LRRC45: variants seen among roughly 807,000 people sequenced by gnomAD.
LRRC45 encodes the protein leucine rich repeat containing 45, also known as leucine-rich repeat-containing protein 45.
LRRC45 carries 73 observed loss-of-function variants against 85.4 expected under a neutral mutation model. The ratio of observed to expected loss-of-function variants is 0.85; its 90% CI spans 0.71 to 1.04. LRRC45 has a LOEUF of 1.04. Among genes scored for constraint, LRRC45 ranks in the 50% least tolerant of loss-of-function variants. The probability of loss-of-function intolerance (pLI) is 0.00; values close to 1 mark genes in which losing one functional copy is unlikely to be tolerated. For missense variants in LRRC45, 937 were observed against 883.3 expected (o/e 1.06, Z -0.77); for synonymous variants, 429 against 386.0 (o/e 1.11, Z -1.31).
At chr17:82,028,560 A>T (rs1319303553) in intron 11 of LRRC45, 52 bp downstream of exon 11, 2 of 1,610,590 alleles carry the variant, frequency 1.2e-6, no homozygotes, top group South Asian at 1.1e-5. Flanking sequence ...GCACCGGGGG[A>T]CGGGGGCCCC....
rs550616399 is a variant in LRRC45, at chr17:82,026,564, T to TTGTGTGTGTGTGTGTG, written c.662-314_662-299dup. Among the ~76,000 whole-genome samples the TTGTGTGTGTGTGTGTG allele has an allele frequency of 4.3e-3, 593 of 137,546 alleles. 8 individuals carry two copies. Among genetic ancestry groups the TTGTGTGTGTGTGTGTG allele is most frequent in the East Asian group, 5.8e-3 (27 of 4,616 alleles). The allele number at this position is 137,546 out of a possible 152,430, so 90.2% of individuals were successfully genotyped here. A position where few individuals can be genotyped will look rare whatever the true frequency, so the allele number is the denominator to read the frequency against. On this transcript the variant is annotated intron_variant, in intron 5 of 16. Coordinates refer to ENST00000306688, the MANE Select transcript of LRRC45 (RefSeq NM_144999.4). ...GCAGCCCCGGGGTGACACAGCTCCT[T>TTGTGTGTGTGTGTGTG]TGTGTGTGTGTGTGTGTGTGTGTGT... is the stretch of plus-strand genomic sequence containing the variant.
chr17:82,029,236 A>G, intron 13 of LRRC45, 51 bp downstream of exon 13: 1 of 1,555,024 alleles, frequency 6.4e-7, no homozygotes, highest in South Asian at 1.2e-5. Flanking sequence ...TGGGCTGAAC[A>G]AGGCAGGGGC....
chr17:82,024,477 T>G (rs1020515248), intron 2 of LRRC45, 138 bp downstream of exon 2: 3 of 1,065,240 alleles, frequency 2.8e-6, no homozygotes, highest in African/African-American at 3.2e-5. Context: ...CGCTCTCTGA[T>G]GGCCTCCTGT....
At position 82,030,098 on chromosome 17, in the gene LRRC45, A is replaced by T. The variant is rs2043404242; in HGVS notation, c.1528A>T (p.Arg510Ter). The change falls in exon 15 of 17, where the codon AGA becomes TGA. Residue 510 changes from arginine to a stop codon, truncating the protein, a stop_gained. Coordinates refer to ENST00000306688, the MANE Select transcript of LRRC45 (RefSeq NM_144999.4). LOFTEE classifies it high-confidence loss of function. Reference protein sequence around the residue: ...QRLAHLEDKLRLLAQARDEAQ... With the variant: ...QRLAHLEDKL ...CCTGGCTCACCTGGAGGACAAGCTG[A>T]GACTGCTGGCGCAGGCACGGGACGA... 1 of 1,546,784 alleles carries T rather than the reference A, an allele frequency of 6.5e-7. No homozygotes were observed. Among genetic ancestry groups the T allele is most frequent in the African/African-American group, 1.4e-5 (1 of 73,072 alleles).
At chr17:82,025,350 C>T in intron 4 of LRRC45, 29 bp from the exon 5 acceptor site, 1 of 1,550,370 alleles carries the variant, frequency 6.5e-7, no homozygotes, top group Non-Finnish European at 8.7e-7. Context: ...CAGGTGCATT[C>T]TGTCTGGTGA....
Position 82,027,893 on chromosome 17 carries a change from G to A in LRRC45, c.912-118G>A, listed in dbSNP as rs577266894. On this transcript the variant is annotated intron_variant, in intron 8 of 16. Transcript: ENST00000306688. ...GGGCAGTAACCCAGAAGCCTTCCTG[G>A]AGGAGGCGGGTGCTGGCTGGGGTTG... The A allele has an allele frequency of 1.1e-4, 166 of 1,510,320 alleles. No homozygotes were observed. The African/African-American group carries it at 2.1e-3, about 19-fold the overall frequency. 93.6% of individuals were successfully genotyped at this position (1,510,320 alleles called of 1,614,324 possible). A position where few individuals can be genotyped will look rare whatever the true frequency, so the allele number is the denominator to read the frequency against.
chr17:82,027,223 C>T (rs192704529), intron 6 of LRRC45, among the ~76,000 whole-genome samples, 163 bp from the exon 7 acceptor site: 1 of 152,320 alleles, frequency 6.6e-6, no homozygotes, highest in East Asian at 1.9e-4. Context: ...CCTGAGGCCT[C>T]GCTCTGCAGG....
At position 82,028,648 on chromosome 17, in the gene LRRC45, A is replaced by C; in HGVS notation, c.1273A>C (p.Ser425Arg). The change falls in exon 12 of 17, where the codon AGC becomes CGC. Residue 425 changes from serine (S) to arginine (R), a missense_variant. Transcript: ENST00000306688. ...CATGGAGAAGAGAAGATGCAGACAG[A>C]GCCTGGAGGACTCCGAAAGCCTGCG... is the stretch of plus-strand genomic sequence containing the variant. Reference protein sequence around the residue: ...LDMEKRRCRQSLEDSESLRIK... With the variant: ...LDMEKRRCRQRLEDSESLRIK... 6.2e-7 allele frequency: 1 copy of C among 1,612,956 alleles called. No homozygotes were observed.
At position 82,030,574 on chromosome 17, in the gene LRRC45, G is replaced by A; in HGVS notation, c.1817-35G>A. 12 of 1,465,194 alleles carry A rather than the reference G, an allele frequency of 8.2e-6. 1 individual carries two copies. Among genetic ancestry groups the A allele is most frequent in the South Asian group, 2.6e-5 (2 of 75,644 alleles). The allele number at this position is 1,465,194 out of a possible 1,614,324, so 90.8% of individuals were successfully genotyped here. A position where few individuals can be genotyped will look rare whatever the true frequency, so the allele number is the denominator to read the frequency against. The stretch of plus-strand genomic sequence containing the variant: ...CTGAGGCCGTGCCACGGTGCGCTGG[G>A]GCTGCGTCCGCTCACTGCGCTCCTT... On this transcript the variant is annotated intron_variant, in intron 16 of 16. Coordinates refer to ENST00000306688, the MANE Select transcript of LRRC45 (RefSeq NM_144999.4).
chr17:82,027,987 G>A (rs2043383560), intron 8 of LRRC45, 24 bp from the exon 9 acceptor site: 4 of 1,581,158 alleles, frequency 2.5e-6, no homozygotes, highest in Admixed American at 1.8e-5. Context: ...ACCGGGGCGG[G>A]GGTGCTGCCC....
At chr17:82,027,063 G>T in intron 6 of LRRC45, 52 bp downstream of exon 6, 1 of 1,434,490 alleles carries the variant, frequency 7.0e-7, no homozygotes, top group Non-Finnish European at 9.5e-7. Flanking sequence ...TGGAGGGCCT[G>T]GCCACGTCCT....
chr17:82,026,599 T>TGTGTGTGTGTGTGA (rs1416301920), intron 5 of LRRC45, among the ~76,000 whole-genome samples: 33 of 151,096 alleles, frequency 2.2e-4, no homozygotes, highest in African/African-American at 7.6e-4. Flanking sequence ...TGTGTGTGTG[T>TGTGTGTGTGTGTGA]GACTGAGTTT....
intron 16 of LRRC45, 48 bp downstream of exon 16, chr17:82,030,514 C>G: frequency 6.6e-7 from 1 of 1,525,570 alleles, no homozygotes. Context: ...GGACGTGAGG[C>G]CAGCCAGAGA....
intron 5 of LRRC45, among the ~76,000 whole-genome samples, chr17:82,026,109 G>C (rs1002972740): frequency 6.6e-6 from 1 of 152,170 alleles, no homozygotes; most frequent in African/African-American, 2.4e-5. Flanking sequence ...TGCTGGTTCT[G>C]CCTGGCCTCT....
chr17:82,026,997 G>T lies in LRRC45; in HGVS notation c.760G>T (p.Glu254Ter). Residue 254 changes from glutamate to a stop codon, truncating the protein, a stop_gained, in exon 6 of 17, where the codon GAG becomes TAG. Transcript: ENST00000306688. LOFTEE classifies it high-confidence loss of function. Reference sequence around the variant, plus strand: ...CAAGGAGGTCCAGCACCTCCGGGAGGAGAAGTCCAAGCAGGTGAGGATGGC... The same window carrying T: ...CAAGGAGGTCCAGCACCTCCGGGAGTAGAAGTCCAAGCAGGTGAGGATGGC... ...LSKEVQHLRE[E>*]KSKQFLDLME... is the part of the protein sequence containing the mutation. The T allele has an allele frequency of 6.2e-7, 1 of 1,600,694 alleles. No homozygotes were observed. Among genetic ancestry groups the T allele is most frequent in the South Asian group, 1.1e-5 (1 of 89,240 alleles).
At chr17:82,030,573 G>C in intron 16 of LRRC45, 36 bp from the exon 17 acceptor site, 3 of 1,465,462 alleles carry the variant, frequency 2.0e-6, no homozygotes, top group Non-Finnish European at 2.7e-6. Context: ...CGGTGCGCTG[G>C]GGCTGCGTCC....
rs1484694328 is a variant in LRRC45 at position 82,030,247 on chromosome 17, G to A, written c.1668+9G>A. ...TGGAAGAGCTGCAGCAGGTAGGCGG[G>A]GCTCCGGTGGGGGGCCCCGGGCGTG... On this transcript the variant is annotated intron_variant, in intron 15 of 16. Coordinates refer to ENST00000306688, the MANE Select transcript of LRRC45 (RefSeq NM_144999.4). 9 of 1,533,700 alleles carry A rather than the reference G, an allele frequency of 5.9e-6. No homozygotes were observed. The highest frequency in any genetic ancestry group is 1.4e-5 in the African/African-American group (1 of 72,568).
intron 5 of LRRC45, among the ~76,000 whole-genome samples, chr17:82,026,622 C>G (rs1450394678): frequency 1.3e-5 from 2 of 150,822 alleles, no homozygotes; most frequent in Non-Finnish European, 3.0e-5. Context: ...CTCAGTCACC[C>G]AGGCTGGAGT....
rs1380869533 is a variant in LRRC45, at chr17:82,024,377, C to T, written c.282+38C>T. The stretch of plus-strand genomic sequence containing the variant: ...CACTCTTGAGTGTCCGAGTGTGCCA[C>T]CCAAGGGCAAGAGGAGAGGTGGAAG... On this transcript the variant is annotated intron_variant, in intron 2 of 16. Transcript: ENST00000306688. 7 of 1,609,364 alleles carry T rather than the reference C, an allele frequency of 4.3e-6. No individual in the cohort carries two copies. The Admixed American group carries it at 8.3e-5, about 19-fold the overall frequency.
Sources: allele counts gnomAD v4.1 joint callset (sites outside exome capture counted in the v4.1 genomes callset), GRCh38; gene constraint gnomAD v4.1.1; transcripts MANE v1.5; gene names NCBI Gene and HGNC (gene_info 2026-07-23, HGNC 2026-07-21).